The following SLC2A7 variants were observed in gnomAD, a reference collection of about 807,000 sequenced individuals.
The protein encoded by SLC2A7 is solute carrier family 2 member 7.
A neutral mutation model predicts 50.5 loss-of-function variants in SLC2A7; 50 were observed. That is an observed-to-expected ratio of 0.99 (90% CI 0.79 to 1.25). The LOEUF (loss-of-function observed/expected upper bound fraction) is 1.25, where lower values mean the gene tolerates loss of function less well. Ranked by LOEUF, SLC2A7 falls within the 50% of genes most tolerant of loss-of-function variation. The pLI is 0.00. For missense variants in SLC2A7, 683 were observed against 679.1 expected (o/e 1.01, Z -0.06); for synonymous variants, 308 against 300.4 (o/e 1.03, Z -0.26).
intron 3 of SLC2A7, among the ~76,000 whole-genome samples, chr1:9,019,600 C>T (rs181248459): frequency 5.3e-5 from 8 of 152,264 alleles, no homozygotes; most frequent in Admixed American, 5.2e-4. Flanking sequence ...AAGAGACATA[C>T]AAGAAACCAC....
At chr1:9,004,332 A>T (rs893921700) in intron 11 of SLC2A7, among the ~76,000 whole-genome samples, 2 of 75,096 alleles carry the variant, frequency 2.7e-5, no homozygotes, top group African/African-American at 1.1e-4. Context: ...GGCCCTGTCT[A>T]AAAAAAAAAA....
intron 8 of SLC2A7, among the ~76,000 whole-genome samples, chr1:9,011,993 G>A (rs979659783): frequency 3.3e-5 from 5 of 151,592 alleles, no homozygotes; most frequent in South Asian, 2.1e-4. Flanking sequence ...CAGGTGATCC[G>A]CCCGCCTCAA....
intron 4 of SLC2A7, 103 bp downstream of exon 4, chr1:9,019,106 G>A (rs1640873453): frequency 2.0e-6 from 3 of 1,470,586 alleles, no homozygotes; most frequent in East Asian, 2.3e-5. Flanking sequence ...GTCTTGAAAT[G>A]AAAAGAGGCA....
In SLC2A7 at chr1:9,022,945, A is replaced by T; in HGVS notation, c.284T>A (p.Val95Glu). ...GCCGCAGCTATCAACCAGCAGGCCC[A>T]CGAGCAATGACCCCAACAGGCCGCC... ...PLGGLLGSLL[V>E]GLLVDSCGRK... The change falls in exon 3 of 12, where the codon GTG (valine) becomes GAG (glutamate). Residue 95 changes from valine to glutamate, a missense_variant. Physicochemically the swap from Val to Glu is moderately radical, Grantham distance 121. Coordinates refer to ENST00000400906, the MANE Select transcript of SLC2A7 (RefSeq NM_207420.3). The T allele has an allele frequency of 6.2e-7, 1 of 1,614,128 alleles. No individual in the cohort carries two copies. Among genetic ancestry groups the T allele is most frequent in the Non-Finnish European group, 8.5e-7 (1 of 1,180,002 alleles).
chr1:9,003,317 T>G lies in SLC2A7; in HGVS notation c.1522A>C (p.Lys508Gln). The change falls in exon 12 of 12, where the codon AAG (lysine) becomes CAG (glutamine). Residue 508 changes from lysine to glutamine, a missense_variant. Transcript: ENST00000400906. ...DAGPPTASPA[K>Q]ETSF ...CAGGGCCACTAAAAGGAAGTTTCCT[T>G]GGCAGGAGAGGCTGTGGGAGGCCCA... is the stretch of plus-strand genomic sequence containing the variant. 3 of 1,614,194 alleles carry G rather than the reference T, an allele frequency of 1.9e-6. No individual in the cohort carries two copies. The highest frequency in any genetic ancestry group is 2.5e-6 in the Non-Finnish European group (3 of 1,180,026).
chr1:9,025,334 T>C (rs978682850), intron 1 of SLC2A7, among the ~76,000 whole-genome samples: 4 of 152,116 alleles, frequency 2.6e-5, no homozygotes, highest in African/African-American at 9.7e-5. Flanking sequence ...GGAGGCCAAG[T>C]GTGAAGTAGG....
chr1:9,019,771 A>G (rs1487774775), intron 3 of SLC2A7, among the ~76,000 whole-genome samples: 1 of 152,098 alleles, frequency 6.6e-6, no homozygotes, highest in Non-Finnish European at 1.5e-5. Flanking sequence ...TAAAGAAACA[A>G]AAGTCAGCCA....
chr1:9,026,073 G>A (rs540275829), intron 1 of SLC2A7, among the ~76,000 whole-genome samples: 271 of 152,332 alleles, frequency 1.8e-3, no homozygotes, highest in Non-Finnish European at 2.3e-3. Flanking sequence ...AGCACCATCC[G>A]CTCTCCCAGC....
chr1:9,005,337 C>T (rs1640640376), intron 10 of SLC2A7, among the ~76,000 whole-genome samples: 1 of 152,158 alleles, frequency 6.6e-6, no homozygotes, highest in Admixed American at 6.5e-5. Context: ...AGGGCTACAC[C>T]TTCTTGGACA....
At chr1:9,014,406 C>T (rs12063980) in intron 7 of SLC2A7, among the ~76,000 whole-genome samples, 12,392 of 152,020 alleles carry the variant, frequency 0.082, 704 homozygotes, top group East Asian at 0.21. Flanking sequence ...CAGCTCATCT[C>T]AGTCTAGCTG....
At chr1:9,009,651 T>C (rs1640714758) in intron 9 of SLC2A7, among the ~76,000 whole-genome samples, 1 of 152,102 alleles carries the variant, frequency 6.6e-6, no homozygotes, top group Admixed American at 6.5e-5. Context: ...AGAGATGGGG[T>C]CTCACCATGT....
intron 2 of SLC2A7, 21 bp from the exon 3 acceptor site, chr1:9,023,099 C>T: frequency 6.2e-7 from 1 of 1,609,250 alleles, no homozygotes; most frequent in Non-Finnish European, 8.5e-7. Context: ...TTGCCCCATC[C>T]ACAGCTAAGA....
rs763734273 is a variant in SLC2A7, at chr1:9,008,072, C to T, written c.1117-687G>A. Among the ~76,000 whole-genome samples the T allele has an allele frequency of 8.5e-5, 13 of 152,060 alleles. No homozygotes were observed. Among genetic ancestry groups the T allele is most frequent in the Non-Finnish European group, 1.6e-4 (11 of 68,000 alleles). ...CCATTCTCTGGAGACTCCTAGGACCCCCGGACCCGTGGAGCTGGCAGACCA... is the reference window on the plus strand; with the variant it reads ...CCATTCTCTGGAGACTCCTAGGACCTCCGGACCCGTGGAGCTGGCAGACCA... On this transcript the variant is annotated intron_variant, in intron 9 of 11. Transcript: ENST00000400906. The surrounding 1 kb of genome is among the most constrained non-coding windows in gnomAD (Gnocchi z 5.9).
chr1:9,010,030 T>C (rs1348466252), intron 9 of SLC2A7, 113 bp downstream of exon 9: 3 of 893,064 alleles, frequency 3.4e-6, no homozygotes, highest in Non-Finnish European at 5.3e-6. Flanking sequence ...GCAGGATGCA[T>C]GCCATCAGTG....
chr1:9,023,672 C>T (rs898944658), intron 2 of SLC2A7, among the ~76,000 whole-genome samples: 1 of 150,704 alleles, frequency 6.6e-6, no homozygotes, highest in Non-Finnish European at 1.5e-5. Flanking sequence ...TTTGGGAGGC[C>T]GAGGCGGGAG....
At chr1:9,017,118 C>T (rs900418808) in intron 5 of SLC2A7, among the ~76,000 whole-genome samples, 2 of 152,232 alleles carry the variant, frequency 1.3e-5, no homozygotes, top group South Asian at 2.1e-4. Flanking sequence ...GTCAGGAGTT[C>T]GAGACCATCC....
At position 9,022,938 on chromosome 1, in the gene SLC2A7, C is replaced by G; in HGVS notation, c.291G>C (p.Leu97=). The G allele has an allele frequency of 6.2e-7, 1 of 1,614,000 alleles. No homozygotes were observed. The highest frequency in any genetic ancestry group is 8.5e-7 in the Non-Finnish European group (1 of 1,179,934). Residue 97 remains leucine, a synonymous_variant, in exon 3 of 12, where the codon CTG becomes CTC. Coordinates refer to ENST00000400906, the MANE Select transcript of SLC2A7 (RefSeq NM_207420.3). Reference sequence around the variant, plus strand: ...TTTACCTGCCGCAGCTATCAACCAGCAGGCCCACGAGCAATGACCCCAACA... The same window carrying G: ...TTTACCTGCCGCAGCTATCAACCAGGAGGCCCACGAGCAATGACCCCAACA... The part of the protein sequence containing the change: ...GGLLGSLLVG[L]LVDSCGRKGT...
chr1:9,006,254 A>G (rs1640651981), intron 10 of SLC2A7, among the ~76,000 whole-genome samples: 1 of 151,670 alleles, frequency 6.6e-6, no homozygotes, highest in South Asian at 2.1e-4. Flanking sequence ...CTAAATCCCC[A>G]CCCGCTCCCC....
chr1:9,005,935 G>A (rs1006312582), intron 10 of SLC2A7, among the ~76,000 whole-genome samples: 1 of 152,184 alleles, frequency 6.6e-6, no homozygotes, highest in African/African-American at 2.4e-5. Context: ...CCCTTCTCCA[G>A]GGCCCTGACC....
Sources: allele counts gnomAD v4.1 joint callset (sites outside exome capture counted in the v4.1 genomes callset), GRCh38; gene constraint gnomAD v4.1.1; non-coding constraint Gnocchi (gnomAD v3.1); transcripts MANE v1.5; gene names NCBI Gene and HGNC (gene_info 2026-07-23, HGNC 2026-07-21).